FAM117A: variants seen among roughly 807,000 people sequenced by gnomAD.
The protein encoded by FAM117A is protein FAM117A.
A neutral mutation model predicts 44.1 loss-of-function variants in FAM117A; 21 were observed. The ratio of observed to expected loss-of-function variants is 0.48; its 90% CI spans 0.34 to 0.69. The LOEUF (loss-of-function observed/expected upper bound fraction) is 0.69, where lower values mean the gene tolerates loss of function less well. FAM117A is among the 30% of genes least tolerant of loss of function. FAM117A has a pLI of 0.01. For missense variants in FAM117A, 498 were observed against 589.9 expected (o/e 0.84, Z 1.61); for synonymous variants, 220 against 238.3 (o/e 0.92, Z 0.71).
rs117175407 is a variant in FAM117A, at chr17:49,761,556, C to T, written c.196+2336G>A. 7.0e-3 allele frequency among the ~76,000 whole-genome samples: 1,068 copies of T among 152,288 alleles called. 6 individuals carry two copies. The highest frequency in any genetic ancestry group is 0.011 in the Non-Finnish European group (733 of 68,024). On this transcript the variant is annotated intron_variant, in intron 1 of 7. Transcript: ENST00000240364. ...GGAAACTAAGACACAGAAAGAACTT[C>T]CTCAAAGCCACACAACTAGTAAATG...
At chr17:49,761,081 T>C (rs758812572) in intron 1 of FAM117A, among the ~76,000 whole-genome samples, 41 of 152,170 alleles carry the variant, frequency 2.7e-4, no homozygotes, top group Non-Finnish European at 5.4e-4. Context: ...CTAATATATC[T>C]TGTCAAGAAC....
chr17:49,777,230 A>G (rs2073777785), intron 1 of FAM117A, among the ~76,000 whole-genome samples: 1 of 152,142 alleles, frequency 6.6e-6, no homozygotes, highest in African/African-American at 2.4e-5. Context: ...AGGGTCCTCC[A>G]GACAGTATTT....
At chr17:49,744,950 G>T (rs1175331342) in intron 1 of FAM117A, among the ~76,000 whole-genome samples, 1 of 144,892 alleles carries the variant, frequency 6.9e-6, no homozygotes, top group Non-Finnish European at 1.5e-5. Context: ...GGAAGTCAAA[G>T]CTGCAGTGAG....
intron 1 of FAM117A, among the ~76,000 whole-genome samples, chr17:49,754,306 CTCTT>C (rs980983540): frequency 2.6e-5 from 4 of 151,712 alleles, no homozygotes; most frequent in East Asian, 2.0e-4. Flanking sequence ...GCACAGCAAA[CTCTT>C]TTTTTTTTTT....
chr17:49,732,790 C>T, intron 1 of FAM117A, 70 bp from the exon 2 acceptor site: 1 of 1,517,766 alleles, frequency 6.6e-7, no homozygotes, highest in Non-Finnish European at 9.0e-7. Context: ...TCACCTTCCT[C>T]TTCTAAGAGA....
At chr17:49,778,065 C>T (rs879176377) in intron 1 of FAM117A, among the ~76,000 whole-genome samples, 4 of 152,196 alleles carry the variant, frequency 2.6e-5, no homozygotes, top group East Asian at 3.9e-4. Context: ...AAAAGGTCAA[C>T]GGATGGGCCT....
chr17:49,732,522 C>T, intron 2 of FAM117A, 29 bp downstream of exon 2: 2 of 1,612,572 alleles, frequency 1.2e-6, no homozygotes, highest in African/African-American at 1.3e-5. Context: ...ATCCTTATCC[C>T]TTATCCCATC....
At chr17:49,756,892 G>A (rs1308625029) in intron 1 of FAM117A, among the ~76,000 whole-genome samples, 2 of 143,838 alleles carry the variant, frequency 1.4e-5, no homozygotes, top group Non-Finnish European at 3.0e-5. Context: ...ACTCCAGCTT[G>A]AGCTATAGAA....
At chr17:49,718,440 G>A (rs1310572923) in intron 5 of FAM117A, among the ~76,000 whole-genome samples, 2 of 152,054 alleles carry the variant, frequency 1.3e-5, no homozygotes, top group African/African-American at 4.8e-5. Context: ...AGGCTGAGGC[G>A]GGCGGATCAC....
At chr17:49,752,564 T>A (rs1174702716) in intron 1 of FAM117A, among the ~76,000 whole-genome samples, 1 of 152,198 alleles carries the variant, frequency 6.6e-6, no homozygotes, top group Non-Finnish European at 1.5e-5. Context: ...CATCTTCGCA[T>A]GTCTCCCTAA....
At chr17:49,719,549 C>CA (rs747563267) in intron 5 of FAM117A, 2 of 526,028 alleles carry the variant, frequency 3.8e-6, no homozygotes, top group Non-Finnish European at 6.3e-6. Context: ...TCTTTGTACT[C>CA]ACCACCACAA....
chr17:49,755,038 C>CAAA (rs199709334), intron 1 of FAM117A, among the ~76,000 whole-genome samples: 10 of 43,178 alleles, frequency 2.3e-4, no homozygotes, highest in East Asian at 5.3e-4. Flanking sequence ...AACTCCGTCT[C>CAAA]AAAAAAAAAA....
chr17:49,735,384 C>T (rs1027389703), intron 1 of FAM117A, among the ~76,000 whole-genome samples: 2 of 149,858 alleles, frequency 1.3e-5, no homozygotes, highest in Admixed American at 6.6e-5. Context: ...AGCAAGACTC[C>T]GTCTCAAAAA....
intron 3 of FAM117A, 50 bp downstream of exon 3, chr17:49,722,449 G>T (rs1343464974): frequency 2.1e-6 from 3 of 1,445,368 alleles, no homozygotes; most frequent in Non-Finnish European, 2.9e-6. Context: ...GGTACTAGGG[G>T]ATCGAGAAGA....
chr17:49,712,802 C>A (rs1221792859), intron 7 of FAM117A, among the ~76,000 whole-genome samples: 1 of 152,152 alleles, frequency 6.6e-6, no homozygotes, highest in Non-Finnish European at 1.5e-5. Flanking sequence ...GGCAGCTAGA[C>A]CTTATCGGAA....
intron 1 of FAM117A, among the ~76,000 whole-genome samples, chr17:49,759,225 T>C (rs1215105490): frequency 6.6e-6 from 1 of 152,240 alleles, no homozygotes; most frequent in Non-Finnish European, 1.5e-5. Flanking sequence ...ATATAATCCT[T>C]TGCTATCCAA....
upstream of FAM117A, among the ~76,000 whole-genome samples, chr17:49,768,677 T>C (rs1014221741): frequency 6.6e-6 from 1 of 152,056 alleles, no homozygotes; most frequent in Non-Finnish European, 1.5e-5. Context: ...CTGAGAGGGA[T>C]TGGGAAGGAG....
At chr17:49,734,475 C>G (rs2143739150) in intron 1 of FAM117A, among the ~76,000 whole-genome samples, 1 of 151,876 alleles carries the variant, frequency 6.6e-6, no homozygotes, top group African/African-American at 2.4e-5. Flanking sequence ...GCCTGTAGTC[C>G]CAGCTACTCG....
At chr17:49,729,105 T>G (rs1019507546) in intron 2 of FAM117A, among the ~76,000 whole-genome samples, 1 of 152,244 alleles carries the variant, frequency 6.6e-6, no homozygotes, top group African/African-American at 2.4e-5. Context: ...TTTCGCTCCA[T>G]CTTCTACTCT....
Sources: gnomAD v4.1 joint callset for allele counts (sites outside exome capture counted in the v4.1 genomes callset) on GRCh38, gnomAD v4.1.1 for gene constraint, MANE v1.5 for transcripts, NCBI Gene and HGNC (gene_info 2026-07-23, HGNC 2026-07-21) for gene names.